The following TIMM23B variants were observed in gnomAD, a reference collection of about 807,000 sequenced individuals.
The protein encoded by TIMM23B is mitochondrial import inner membrane translocase subunit Tim23B.
In TIMM23B, 27 loss-of-function variants were observed where a neutral mutation model predicts 27.3. The observed-to-expected ratio is 0.99, with a 90% CI of 0.73 to 1.36. The LOEUF (loss-of-function observed/expected upper bound fraction) is 1.36, where lower values mean the gene tolerates loss of function less well. Ranked by LOEUF, TIMM23B falls within the 40% of genes most tolerant of loss-of-function variation. The pLI is 0.00. For synonymous variants in TIMM23B, 73 were observed against 92.4 expected (o/e 0.79, Z 1.21); for missense variants, 205 against 244.2 (o/e 0.84, Z 1.07).
chr10:49,955,311 C>T (rs1234588515), intron 5 of TIMM23B, among the ~76,000 whole-genome samples: 6 of 152,110 alleles, frequency 3.9e-5, no homozygotes, highest in African/African-American at 1.2e-4. Flanking sequence ...TGCACACTCT[C>T]CAAGCACAAC....
intron 2 of TIMM23B, among the ~76,000 whole-genome samples, chr10:49,951,298 A>T (rs1405425840): frequency 1.5e-4 from 23 of 152,300 alleles, no homozygotes; most frequent in African/African-American, 5.5e-4. Context: ...TGTTAAATGT[A>T]ACACACTATG....
intron 1 of TIMM23B, 123 bp from the exon 2 acceptor site, chr10:49,944,909 A>T (rs1452691331): frequency 1.6e-6 from 2 of 1,257,036 alleles, no homozygotes; most frequent in Non-Finnish European, 2.3e-6. Flanking sequence ...ATGGGAAAAA[A>T]TTTTCTGCCT....
intron 6 of TIMM23B, among the ~76,000 whole-genome samples, chr10:49,964,200 G>A (rs1564687394): frequency 6.8e-6 from 1 of 146,792 alleles, no homozygotes; most frequent in African/African-American, 2.6e-5. Flanking sequence ...GAAATGAAAT[G>A]AAATGAAATG....
At chr10:49,945,235 C>G (rs1196189306) in intron 2 of TIMM23B, 145 bp downstream of exon 2, 4 of 676,788 alleles carry the variant, frequency 5.9e-6, no homozygotes, top group Non-Finnish European at 1.0e-5. Context: ...TCACAAACAC[C>G]AGGAGCTTGG....
In TIMM23B at chr10:49,942,296, C is replaced by G; in HGVS notation, c.102C>G (p.Val34=). Reference sequence around the variant, plus strand: ...ACTCGCACGCGGATTTGGCTGGCGTCCCGCGTAAGTATGGGGCCTAGCTTG... The same window carrying G: ...ACTCGCACGCGGATTTGGCTGGCGTGCCGCGTAAGTATGGGGCCTAGCTTG... ...AGYSHADLAG[V]PLTGMNPLCP... The change falls in exon 1 of 7, where the codon GTC becomes GTG. Residue 34 remains valine, a synonymous_variant. Coordinates refer to ENST00000651259, the MANE Select transcript of TIMM23B (RefSeq NM_001290117.2). 6.2e-7 allele frequency: 1 copy of G among 1,610,100 alleles called. No individual in the cohort carries two copies. Among genetic ancestry groups the G allele is most frequent in the South Asian group, 1.1e-5 (1 of 90,426 alleles).
At chr10:49,959,279 A>G (rs1189328668) in intron 6 of TIMM23B, among the ~76,000 whole-genome samples, 1 of 152,190 alleles carries the variant, frequency 6.6e-6, no homozygotes, top group Admixed American at 6.5e-5. Flanking sequence ...GTTTTAAACA[A>G]TAGTTTGACC....
At chr10:49,968,452 G>A (rs1554855823) in intron 6 of TIMM23B, among the ~76,000 whole-genome samples, 1 of 152,242 alleles carries the variant, frequency 6.6e-6, no homozygotes, top group East Asian at 1.9e-4. Context: ...CGAATCAAGT[G>A]TCTGATGCAT....
intron 5 of TIMM23B, among the ~76,000 whole-genome samples, chr10:49,957,239 C>T (rs1432243849): frequency 8.3e-4 from 125 of 150,568 alleles, no homozygotes; most frequent in Admixed American, 2.0e-3. Flanking sequence ...TTAACATTTG[C>T]GTATTTATTA....
intron 6 of TIMM23B, among the ~76,000 whole-genome samples, chr10:49,965,163 T>C (rs1335557373): frequency 3.8e-3 from 570 of 150,892 alleles, no homozygotes; most frequent in East Asian, 0.015. Context: ...GAGGTTGCGG[T>C]GAGCAGAGAT....
intron 2 of TIMM23B, among the ~76,000 whole-genome samples, chr10:49,949,609 T>C (rs1367193257): frequency 1.3e-5 from 2 of 151,626 alleles, no homozygotes; most frequent in Non-Finnish European, 2.9e-5. Context: ...CAAAAACTTG[T>C]GAATTCATTC....
chr10:49,969,587 C>T (rs1323952843), intron 6 of TIMM23B, among the ~76,000 whole-genome samples: 2 of 150,786 alleles, frequency 1.3e-5, no homozygotes, highest in African/African-American at 2.4e-5. Context: ...ATGCTACTCC[C>T]GAGGCTGAGG....
At chr10:49,942,620 C>G (rs1364872001) in intron 1 of TIMM23B, among the ~76,000 whole-genome samples, 2 of 152,116 alleles carry the variant, frequency 1.3e-5, no homozygotes, top group East Asian at 1.9e-4. Flanking sequence ...GAGTAGAGCC[C>G]AGCTTTGGGA....
intron 2 of TIMM23B, among the ~76,000 whole-genome samples, chr10:49,945,689 T>C (rs1839334116): frequency 6.6e-6 from 1 of 152,210 alleles, no homozygotes; most frequent in Non-Finnish European, 1.5e-5. Context: ...TCAAAGAGTA[T>C]CTTTTTGAAT....
intron 6 of TIMM23B, among the ~76,000 whole-genome samples, chr10:49,963,304 G>GA (rs1564686580): frequency 2.5e-4 from 37 of 150,626 alleles, no homozygotes; most frequent in African/African-American, 8.8e-4. Context: ...AAATGAAATG[G>GA]AATGAAATGA....
chr10:49,951,655 G>A (rs1184032990), intron 2 of TIMM23B, among the ~76,000 whole-genome samples: 41 of 151,906 alleles, frequency 2.7e-4, no homozygotes, highest in Admixed American at 5.9e-4. Context: ...TATTAAAGGG[G>A]GTCATTTGCC....
Position 49,973,037 on chromosome 10 carries a change from G to T in TIMM23B, c.540G>T (p.Pro180=). The change falls in exon 7 of 7, where the codon CCG becomes CCT. Residue 180 remains proline, a synonymous_variant. Coordinates refer to ENST00000651259, the MANE Select transcript of TIMM23B (RefSeq NM_001290117.2). The part of the protein sequence containing the change: ...CTVSEMALDS[P]FCVLLSGS ...TGTCAGAGATGGCTTTGGATTCCCC[G>T]TTCTGTGTGCTGCTGTCTGGCTCCT... 1 of 1,532,820 alleles carries T rather than the reference G, an allele frequency of 6.5e-7. No homozygotes were observed. Among genetic ancestry groups the T allele is most frequent in the Non-Finnish European group, 8.7e-7 (1 of 1,146,188 alleles). 95.0% of individuals were successfully genotyped at this position (1,532,820 alleles called of 1,614,324 possible).
chr10:49,948,414 A>G (rs1189628718), intron 2 of TIMM23B, among the ~76,000 whole-genome samples: 1 of 152,200 alleles, frequency 6.6e-6, no homozygotes, highest in Non-Finnish European at 1.5e-5. Context: ...TAAGTTGTAA[A>G]TGAATGTTGC....
At chr10:49,942,354 T>C in intron 1 of TIMM23B, 54 bp downstream of exon 1, 1 of 1,568,630 alleles carries the variant, frequency 6.4e-7, no homozygotes, top group Non-Finnish European at 8.7e-7. Context: ...GCGTTTACAC[T>C]AAAGTTGCGC....
chr10:49,963,930 A>C (rs1554854980), intron 6 of TIMM23B, among the ~76,000 whole-genome samples: 2 of 152,170 alleles, frequency 1.3e-5, no homozygotes, highest in Non-Finnish European at 2.9e-5. Context: ...GCGCCACTGC[A>C]CTCCAGCCTG....
Sources: gnomAD v4.1 joint callset for allele counts (sites outside exome capture counted in the v4.1 genomes callset) on GRCh38, gnomAD v4.1.1 for gene constraint, MANE v1.5 for transcripts, NCBI Gene and HGNC (gene_info 2026-07-23, HGNC 2026-07-21) for gene names.